PLA2G4A: variants seen among roughly 807,000 people sequenced by gnomAD.
PLA2G4A encodes the protein cytosolic phospholipase A2.
In PLA2G4A, 40 loss-of-function variants were observed where a neutral mutation model predicts 81.9. The observed-to-expected ratio is 0.49, with a 90% CI of 0.38 to 0.64. The LOEUF is 0.64. PLA2G4A is among the 30% of genes least tolerant of loss of function. The probability of loss-of-function intolerance (pLI) is 0.00; values close to 1 mark genes in which losing one functional copy is unlikely to be tolerated. For missense variants in PLA2G4A, 715 were observed against 905.1 expected, an observed-to-expected ratio of 0.79 and a Z score of 2.69; for synonymous variants, 302 against 296.9, an observed-to-expected ratio of 1.02 and a Z score of -0.18.
intron 7 of PLA2G4A, among the ~76,000 whole-genome samples, chr1:186,915,882 T>C (rs1655118688): frequency 6.6e-6 from 1 of 152,162 alleles, no homozygotes; most frequent in Admixed American, 6.6e-5. Flanking sequence ...CTATGCAATA[T>C]TGTCCAGTAA....
At chr1:186,868,568 T>C (rs1376439957) in intron 2 of PLA2G4A, among the ~76,000 whole-genome samples, 1 of 152,208 alleles carries the variant, frequency 6.6e-6, no homozygotes, top group Non-Finnish European at 1.5e-5. Context: ...GCTTTTATCT[T>C]CTGGAAAGAT....
chr1:186,923,802 A>G (rs1655447534), intron 7 of PLA2G4A, among the ~76,000 whole-genome samples: 1 of 152,244 alleles, frequency 6.6e-6, no homozygotes, highest in South Asian at 2.1e-4. Flanking sequence ...TTGCAATCTC[A>G]GAGTTTCCCT....
intron 1 of PLA2G4A, among the ~76,000 whole-genome samples, chr1:186,841,870 G>A (rs1651992359): frequency 6.6e-6 from 1 of 152,150 alleles, no homozygotes; most frequent in African/African-American, 2.4e-5. Context: ...CAAATGTGAA[G>A]TGGTTAGACG....
chr1:186,947,899 A>G (rs1656399518), intron 12 of PLA2G4A, among the ~76,000 whole-genome samples: 1 of 152,178 alleles, frequency 6.6e-6, no homozygotes, highest in African/African-American at 2.4e-5. Context: ...AATTTATTTG[A>G]AGAATGCTTG....
At chr1:186,845,436 C>T (rs187142604) in intron 1 of PLA2G4A, among the ~76,000 whole-genome samples, 12 of 152,154 alleles carry the variant, frequency 7.9e-5, no homozygotes, top group East Asian at 5.8e-4. Context: ...ATTTTCCCTA[C>T]GTACAGACAA....
At chr1:186,985,316 G>T (rs1377156383) in intron 17 of PLA2G4A, among the ~76,000 whole-genome samples, 3 of 151,888 alleles carry the variant, frequency 2.0e-5, no homozygotes, top group Non-Finnish European at 4.4e-5. Flanking sequence ...TATTAATTTT[G>T]CAAATATTTA....
At chr1:186,919,463 C>G (rs1249462115) in intron 7 of PLA2G4A, among the ~76,000 whole-genome samples, 1 of 152,188 alleles carries the variant, frequency 6.6e-6, no homozygotes, top group Non-Finnish European at 1.5e-5. Context: ...GGACATCCAT[C>G]CCTTTTGCAC....
At chr1:186,885,825 G>A (rs1370674560) in intron 3 of PLA2G4A, among the ~76,000 whole-genome samples, 3 of 151,912 alleles carry the variant, frequency 2.0e-5, no homozygotes, top group Non-Finnish European at 4.4e-5. Flanking sequence ...TTACTGAACT[G>A]AAAAATAAGT....
intron 16 of PLA2G4A, among the ~76,000 whole-genome samples, chr1:186,978,847 A>G (rs1240607781): frequency 6.6e-6 from 1 of 152,200 alleles, no homozygotes; most frequent in Non-Finnish European, 1.5e-5. Flanking sequence ...AGGAAGGCAG[A>G]CAACAAAGTT....
At chr1:186,959,155 G>C (rs1363491830) in intron 14 of PLA2G4A, among the ~76,000 whole-genome samples, 1 of 151,798 alleles carries the variant, frequency 6.6e-6, no homozygotes, top group Non-Finnish European at 1.5e-5. Flanking sequence ...CTTATAATGT[G>C]CTTGGTTCTG....
At chr1:186,884,740 A>G (rs755888005) in intron 3 of PLA2G4A, among the ~76,000 whole-genome samples, 1 of 151,902 alleles carries the variant, frequency 6.6e-6, no homozygotes, top group Admixed American at 6.6e-5. Context: ...TTAGCTGAGC[A>G]TGATGGTGTG....
At chr1:186,943,225 T>C (rs1381104697) in intron 10 of PLA2G4A, among the ~76,000 whole-genome samples, 1 of 152,224 alleles carries the variant, frequency 6.6e-6, no homozygotes, top group Non-Finnish European at 1.5e-5. Flanking sequence ...AACACACCTT[T>C]CATTTAGAAA....
intron 5 of PLA2G4A, among the ~76,000 whole-genome samples, chr1:186,896,244 G>C (rs567774784): frequency 6.6e-6 from 1 of 152,202 alleles, no homozygotes; most frequent in South Asian, 2.1e-4. Flanking sequence ...TACGTATTAG[G>C]CACTATATAA....
intron 1 of PLA2G4A, among the ~76,000 whole-genome samples, chr1:186,843,372 G>A (rs1416253591): frequency 1.3e-5 from 2 of 152,112 alleles, no homozygotes; most frequent in African/African-American, 4.8e-5. Context: ...CTTAAGACAA[G>A]AGCACATTTA....
chr1:186,907,499 C>G (rs981194533), intron 6 of PLA2G4A, among the ~76,000 whole-genome samples: 1 of 152,156 alleles, frequency 6.6e-6, no homozygotes, highest in Admixed American at 6.5e-5. Flanking sequence ...AAATGGCCTC[C>G]AAAACTGAAC....
chr1:186,882,603 G>C (rs1404726466), intron 3 of PLA2G4A, among the ~76,000 whole-genome samples: 1 of 152,090 alleles, frequency 6.6e-6, no homozygotes, highest in East Asian at 1.9e-4. Flanking sequence ...AGAACCTTGG[G>C]TTTGATGGGG....
chr1:186,954,903 G>A (rs951758681), intron 13 of PLA2G4A, among the ~76,000 whole-genome samples: 1 of 152,156 alleles, frequency 6.6e-6, no homozygotes, highest in African/African-American at 2.4e-5. Flanking sequence ...GCTAGCTAGT[G>A]TTTATTAAGA....
At chr1:186,890,706 T>C (rs1283601256) in intron 3 of PLA2G4A, among the ~76,000 whole-genome samples, 1 of 151,952 alleles carries the variant, frequency 6.6e-6, no homozygotes, top group East Asian at 1.9e-4. Context: ...ATACAAAAAT[T>C]AGCCGGGCAT....
chr1:186,911,820 G>A (rs191279896), intron 7 of PLA2G4A, among the ~76,000 whole-genome samples: 6 of 152,176 alleles, frequency 3.9e-5, no homozygotes, highest in Admixed American at 2.0e-4. Flanking sequence ...GCAGTCCCAC[G>A]ATATGCTTTC....
Sources: allele counts gnomAD v4.1 joint callset (sites outside exome capture counted in the v4.1 genomes callset), GRCh38; gene constraint gnomAD v4.1.1; transcripts MANE v1.5; gene names NCBI Gene and HGNC (gene_info 2026-07-23, HGNC 2026-07-21).